ST3GAL1: variants seen among roughly 807,000 people sequenced by gnomAD.
The protein encoded by ST3GAL1 is ST3 beta-galactoside alpha-2,3-sialyltransferase 1.
ST3GAL1 carries 16 observed loss-of-function variants against 34.1 expected under a neutral mutation model. The observed-to-expected ratio is 0.47, with a 90% CI of 0.32 to 0.71. ST3GAL1 has a LOEUF of 0.71. ST3GAL1 is among the 30% of genes least tolerant of loss of function. ST3GAL1 has a pLI of 0.04. For synonymous variants in ST3GAL1, 191 were observed against 184.7 expected (o/e 1.03, Z -0.28); for missense variants, 353 against 447.4 (o/e 0.79, Z 1.90).
intron 3 of ST3GAL1, among the ~76,000 whole-genome samples, chr8:133,483,216 C>A (rs1816463097): frequency 1.3e-5 from 2 of 152,140 alleles, no homozygotes; most frequent in South Asian, 4.1e-4. Context: ...GTGGCAGGCA[C>A]CTGTAATCCC....
intron 6 of ST3GAL1, among the ~76,000 whole-genome samples, chr8:133,465,170 T>C (rs1815689037): frequency 6.6e-6 from 1 of 152,188 alleles, no homozygotes; most frequent in Non-Finnish European, 1.5e-5. Flanking sequence ...CAAGGGAGTC[T>C]AGCCATCACC....
At chr8:133,489,722 G>A (rs1306540544) in intron 3 of ST3GAL1, 1 of 152,234 alleles carries the variant, frequency 6.6e-6, no homozygotes, top group Non-Finnish European at 1.5e-5. Flanking sequence ...TAGAAATGTA[G>A]TCAACACCAG....
intron 1 of ST3GAL1, among the ~76,000 whole-genome samples, chr8:133,551,603 A>C (rs140454811): frequency 5.1e-4 from 77 of 149,600 alleles, no homozygotes; most frequent in African/African-American, 1.9e-3. Flanking sequence ...AGAAAGAAAG[A>C]AAGAAAGAAA....
rs76061711 is a variant in ST3GAL1 at position 133,485,839 on chromosome 8, G to A, written c.-373-9239C>T. ...TGGTTTAGCTGCTGCCACAAGGGGT[G>A]GGGGGCTGTTTGCGGTGACCCCCAG... On this transcript the variant is annotated intron_variant, in intron 3 of 9. Transcript: ENST00000522652. 2.0e-4 allele frequency among the ~76,000 whole-genome samples: 30 copies of A among 152,098 alleles called. 1 individual carries two copies. Among genetic ancestry groups the A allele is most frequent in the Admixed American group, 2.0e-3 (30 of 15,274 alleles).
chr8:133,567,787 G>C (rs1286068118), intron 1 of ST3GAL1, among the ~76,000 whole-genome samples: 1 of 152,182 alleles, frequency 6.6e-6, no homozygotes, highest in Admixed American at 6.5e-5. Context: ...CCCAAGCCAG[G>C]GTTGTCTGTG....
rs950389877 is a variant in ST3GAL1 at position 133,508,512 on chromosome 8, C to T, written c.-428-9323G>A. ...CTCTGCAATCTACGTGCACGGAGTCCCAGACTCAGGTTCTACAGGGAGGAA... is the reference window on the plus strand; with the variant it reads ...CTCTGCAATCTACGTGCACGGAGTCTCAGACTCAGGTTCTACAGGGAGGAA... On this transcript the variant is annotated intron_variant, in intron 2 of 9. Transcript: ENST00000522652. This position sits in a 1 kb window ranked among gnomAD's most constrained non-coding sequence, Gnocchi z 4.1. Among the ~76,000 whole-genome samples the T allele has an allele frequency of 2.0e-5, 3 of 152,132 alleles. No individual in the cohort carries two copies. Among genetic ancestry groups the T allele is most frequent in the Admixed American group, 1.3e-4 (2 of 15,264 alleles).
At chr8:133,510,271 C>T (rs1817467196) in intron 2 of ST3GAL1, among the ~76,000 whole-genome samples, 1 of 152,132 alleles carries the variant, frequency 6.6e-6, no homozygotes, top group Non-Finnish European at 1.5e-5. Flanking sequence ...GCTCCACTTC[C>T]CAAAGTGCTT....
intron 3 of ST3GAL1, among the ~76,000 whole-genome samples, chr8:133,485,421 G>T (rs1168614304): frequency 6.6e-6 from 1 of 152,180 alleles, no homozygotes; most frequent in Non-Finnish European, 1.5e-5. Context: ...TTCGTGGCCT[G>T]TGGGCCTCAA....
chr8:133,485,331 A>G (rs961734665), intron 3 of ST3GAL1, among the ~76,000 whole-genome samples: 1 of 152,208 alleles, frequency 6.6e-6, no homozygotes, highest in Non-Finnish European at 1.5e-5. Context: ...TAGCTGCCCC[A>G]GAATCTGGAC....
chr8:133,464,969 G>C lies in ST3GAL1; in HGVS notation c.504-12C>G, dbSNP rs1815678735. The C allele has an allele frequency of 1.2e-6, 2 of 1,610,120 alleles. No homozygotes were observed. Among genetic ancestry groups the C allele is most frequent in the Non-Finnish European group, 1.7e-6 (2 of 1,177,406 alleles). On this transcript the variant is annotated splice_polypyrimidine_tract_variant and intron_variant, in intron 6 of 9. Coordinates refer to ENST00000522652, the MANE Select transcript of ST3GAL1 (RefSeq NM_173344.3). Reference sequence around the variant, plus strand: ...GCGCCTTGTTCATCCTGGGAGAGAAGGGGAGAAAGCTGAGTCTTGTAGCAC... The same window carrying C: ...GCGCCTTGTTCATCCTGGGAGAGAACGGGAGAAAGCTGAGTCTTGTAGCAC...
rs61689158 is a variant in ST3GAL1, at chr8:133,458,886, C to CT, written c.*877dup. The CT allele has an allele frequency of 0.024, 3,337 of 137,872 alleles. 123 individuals are homozygous for CT. Among genetic ancestry groups the CT allele is most frequent in the African/African-American group, 0.08 (2,978 of 37,136 alleles). 8.5% of individuals were successfully genotyped at this position (137,872 alleles called of 1,614,324 possible). On this transcript the variant is annotated 3_prime_UTR_variant, in exon 10 of 10. Transcript: ENST00000522652. ...CCAAGTTTGGGGTTTTTTTTCTTTTCTTTTTTTTTTTTTTTCAGAGACAGG... is the reference window on the plus strand; with the variant it reads ...CCAAGTTTGGGGTTTTTTTTCTTTTCTTTTTTTTTTTTTTTTCAGAGACAGG...
chr8:133,476,315 CT>C lies in ST3GAL1; in HGVS notation c.-89del. Reference sequence around the variant, plus strand: ...TAAAGTAGCCTATTCTTCTGCAATCCTTAAAGAGCTGATAATGTCTCTCGAT... The same window carrying C: ...TAAAGTAGCCTATTCTTCTGCAATCCTAAAGAGCTGATAATGTCTCTCGAT... On this transcript the variant is annotated 5_prime_UTR_variant, in exon 4 of 10. Transcript: ENST00000522652. 3.3e-6 allele frequency: 1 copy of C among 301,256 alleles called. No homozygotes were observed. Among genetic ancestry groups the C allele is most frequent in the Non-Finnish European group, 6.2e-6 (1 of 161,396 alleles). The allele number at this position is 301,256 out of a possible 1,614,324, so 18.7% of individuals were successfully genotyped here.
Position 133,475,723 on chromosome 8 carries a change from C to T in ST3GAL1, c.302G>A (p.Trp101Ter). 1 of 1,590,686 alleles carries T rather than the reference C, an allele frequency of 6.3e-7. No individual in the cohort carries two copies. The highest frequency in any genetic ancestry group is 8.6e-7 in the Non-Finnish European group (1 of 1,166,444). ...CGCTCTCAGGCAGCATCTCACCAGC[C>T]ACCATCGGTAGGTGTCGTCCTCCAA... ...ALLEDDTYRWWLRLQREKKPN... is the reference protein window; with the variant it reads ...ALLEDDTYRW Residue 101 changes from tryptophan (W) to a stop codon, truncating the protein, a stop_gained, in exon 5 of 10, where the codon TGG becomes TAG. Coordinates refer to ENST00000522652, the MANE Select transcript of ST3GAL1 (RefSeq NM_173344.3). LOFTEE classifies it high-confidence loss of function.
intron 7 of ST3GAL1, 144 bp downstream of exon 7, chr8:133,464,634 C>T (rs756839863): frequency 1.9e-5 from 16 of 828,082 alleles, no homozygotes; most frequent in African/African-American, 1.4e-4. Context: ...GAGGCGGCCA[C>T]GGGAACTGGG....
intron 2 of ST3GAL1, among the ~76,000 whole-genome samples, chr8:133,544,835 A>C (rs1818633004): frequency 6.6e-6 from 1 of 152,238 alleles, no homozygotes; most frequent in Non-Finnish European, 1.5e-5. Flanking sequence ...GACAGTGTGC[A>C]CGACAGAGAG....
chr8:133,532,351 A>C (rs1348679708), intron 2 of ST3GAL1, among the ~76,000 whole-genome samples: 4 of 152,018 alleles, frequency 2.6e-5, no homozygotes, highest in Non-Finnish European at 5.9e-5. Flanking sequence ...ATGCACCTGT[A>C]ATCCCAGCTA....
Position 133,461,714 on chromosome 8 carries a change from C to G in ST3GAL1, c.849+161G>C, listed in dbSNP as rs1370898893. 6.6e-6 allele frequency among the ~76,000 whole-genome samples: 1 copy of G among 152,160 alleles called. No individual in the cohort carries two copies. Among genetic ancestry groups the G allele is most frequent in the Non-Finnish European group, 1.5e-5 (1 of 68,032 alleles). On this transcript the variant is annotated intron_variant, in intron 9 of 9. Transcript: ENST00000522652. The surrounding 1 kb of genome is among the most constrained non-coding windows in gnomAD (Gnocchi z 4.7). ...AGAGCACTGTTACTCACTAAAACAC[C>G]CTGGGAGACACATGTTGCAAGTCCT...
At chr8:133,530,192 G>A (rs1193248256) in intron 2 of ST3GAL1, among the ~76,000 whole-genome samples, 1 of 152,208 alleles carries the variant, frequency 6.6e-6, no homozygotes, top group Non-Finnish European at 1.5e-5. Flanking sequence ...ATGCCTTCCA[G>A]GTGAGCATCA....
chr8:133,521,736 G>A (rs1037027933), intron 2 of ST3GAL1, among the ~76,000 whole-genome samples: 2 of 152,136 alleles, frequency 1.3e-5, no homozygotes, highest in African/African-American at 4.8e-5. Flanking sequence ...TGATCATGAA[G>A]AATTTTAAAT....
Sources: allele counts gnomAD v4.1 joint callset (sites outside exome capture counted in the v4.1 genomes callset), GRCh38; gene constraint gnomAD v4.1.1; non-coding constraint Gnocchi (gnomAD v3.1); transcripts MANE v1.5; gene names NCBI Gene and HGNC (gene_info 2026-07-23, HGNC 2026-07-21).